The following KDM4C variants were observed in gnomAD, a reference collection of about 807,000 sequenced individuals.
KDM4C encodes the protein lysine demethylase 4C.
KDM4C carries 81 observed loss-of-function variants against 129.3 expected under a neutral mutation model. The ratio of observed to expected loss-of-function variants is 0.63; its 90% CI spans 0.52 to 0.75. The LOEUF (loss-of-function observed/expected upper bound fraction) is 0.75, where lower values mean the gene tolerates loss of function less well. Among genes scored for constraint, KDM4C ranks in the 30% least tolerant of loss-of-function variants. The probability of loss-of-function intolerance (pLI) is 0.00; values close to 1 mark genes in which losing one functional copy is unlikely to be tolerated. For synonymous variants in KDM4C, 573 were observed against 456.1 expected (o/e 1.26, Z -3.26); for missense variants, 1,457 against 1,304.0 (o/e 1.12, Z -1.81).
Position 6,927,103 on chromosome 9 carries a change from CTAT to C in KDM4C, c.921+33872_921+33874del, listed in dbSNP as rs781149528. On this transcript the variant is annotated intron_variant, in intron 8 of 21. Coordinates refer to ENST00000381309, the MANE Select transcript of KDM4C (RefSeq NM_015061.6). Reference sequence around the variant, plus strand: ...CAAAAAAAATTTTCTATCTATCTATCTATCTATCTATCTATCTATCTATCTATC... The same window carrying C: ...CAAAAAAAATTTTCTATCTATCTATCCTATCTATCTATCTATCTATCTATC... Among the ~76,000 whole-genome samples, 855 of 149,888 alleles carry C rather than the reference CTAT, an allele frequency of 5.7e-3. 5 individuals carry two copies. The highest frequency in any genetic ancestry group is 0.014 in the Middle Eastern group (4 of 292).
chr9:7,015,597 T>C (rs1281894354), intron 14 of KDM4C, among the ~76,000 whole-genome samples: 1 of 152,212 alleles, frequency 6.6e-6, no homozygotes, highest in Non-Finnish European at 1.5e-5. Context: ...AAGATGTCTG[T>C]GTGTGAACAA....
intron 8 of KDM4C, among the ~76,000 whole-genome samples, chr9:6,968,336 A>G (rs889530495): frequency 6.6e-6 from 1 of 152,174 alleles, no homozygotes; most frequent in African/African-American, 2.4e-5. Context: ...TAATAAATGA[A>G]GAAATGCCAT....
chr9:7,073,466 C>T (rs1423683134), intron 17 of KDM4C, among the ~76,000 whole-genome samples: 1 of 152,238 alleles, frequency 6.6e-6, no homozygotes, highest in Non-Finnish European at 1.5e-5. Context: ...CCCATGTTCT[C>T]TCCCACTAAG....
At chr9:6,995,717 G>A (rs1224426199) in intron 12 of KDM4C, among the ~76,000 whole-genome samples, 1 of 152,100 alleles carries the variant, frequency 6.6e-6, no homozygotes, top group East Asian at 1.9e-4. Flanking sequence ...TGTCGCCCAG[G>A]CTGGAGTGCA....
At chr9:6,792,095 C>G (rs1470731104) in intron 1 of KDM4C, among the ~76,000 whole-genome samples, 1 of 152,126 alleles carries the variant, frequency 6.6e-6, no homozygotes, top group East Asian at 1.9e-4. Flanking sequence ...AATCCCAGCA[C>G]TTTGGGAGGC....
intron 8 of KDM4C, among the ~76,000 whole-genome samples, chr9:6,921,610 T>G (rs2131208303): frequency 6.6e-6 from 1 of 152,334 alleles, no homozygotes; most frequent in Admixed American, 6.5e-5. Context: ...TTTCACAGTC[T>G]TACTATTTCT....
intron 8 of KDM4C, among the ~76,000 whole-genome samples, chr9:6,977,756 A>G (rs775207035): frequency 2.6e-5 from 4 of 152,076 alleles, no homozygotes; most frequent in Non-Finnish European, 5.9e-5. Context: ...CAGGAGCTTG[A>G]TGTACACTGC....
chr9:7,135,037 G>A (rs1012664410), intron 19 of KDM4C, among the ~76,000 whole-genome samples: 1 of 152,168 alleles, frequency 6.6e-6, no homozygotes, highest in Non-Finnish European at 1.5e-5. Context: ...CTTGGACATA[G>A]GAATGAAATG....
At chr9:6,987,068 A>G (rs1332148532) in intron 11 of KDM4C, among the ~76,000 whole-genome samples, 3 of 152,226 alleles carry the variant, frequency 2.0e-5, no homozygotes, top group Non-Finnish European at 2.9e-5. Flanking sequence ...ACATTGATAC[A>G]GTAAAGATTA....
intron 5 of KDM4C, among the ~76,000 whole-genome samples, chr9:6,868,169 A>G (rs1284082351): frequency 1.3e-5 from 2 of 151,818 alleles, no homozygotes; most frequent in African/African-American, 4.8e-5. Flanking sequence ...ACCAGATAAA[A>G]AGCCCCCCGA....
At chr9:6,916,168 G>A (rs1310660888) in intron 8 of KDM4C, among the ~76,000 whole-genome samples, 2 of 152,130 alleles carry the variant, frequency 1.3e-5, no homozygotes, top group African/African-American at 4.8e-5. Context: ...TGAGTGATTT[G>A]AGGTGTAGTG....
chr9:6,747,096 G>A (rs1446607798), intron 1 of KDM4C, among the ~76,000 whole-genome samples: 1 of 151,698 alleles, frequency 6.6e-6, no homozygotes, highest in Non-Finnish European at 1.5e-5. Flanking sequence ...AGGAGTCTGA[G>A]GTGGGAGGAT....
chr9:7,002,564 G>A (rs1424054706), intron 12 of KDM4C, among the ~76,000 whole-genome samples: 3 of 152,108 alleles, frequency 2.0e-5, no homozygotes, highest in African/African-American at 7.2e-5. Context: ...CTCAGAATAT[G>A]TTCCTTCTGG....
chr9:7,024,870 A>G (rs1408116741), intron 15 of KDM4C, among the ~76,000 whole-genome samples: 1 of 152,132 alleles, frequency 6.6e-6, no homozygotes, highest in Non-Finnish European at 1.5e-5. Context: ...GGCTGGGTCA[A>G]ATGGTATTTG....
intron 1 of KDM4C, among the ~76,000 whole-genome samples, chr9:6,760,582 A>T (rs1350972449): frequency 7.0e-6 from 1 of 142,014 alleles, no homozygotes; most frequent in East Asian, 2.1e-4. Context: ...TTATTTATTT[A>T]TTTTTTGAGA....
intron 8 of KDM4C, among the ~76,000 whole-genome samples, chr9:6,946,153 T>G (rs774395524): frequency 3.3e-5 from 5 of 152,134 alleles, no homozygotes; most frequent in Non-Finnish European, 7.4e-5. Flanking sequence ...GGAGATGAAG[T>G]AGTTGCAATT....
chr9:6,731,768 C>T (rs2918173), intron 1 of KDM4C, among the ~76,000 whole-genome samples: 30,927 of 152,040 alleles, frequency 0.2, 3,357 homozygotes, highest in Non-Finnish European at 0.25. Flanking sequence ...ACAGTGTGAC[C>T]AGAACTTAGG....
chr9:7,086,975 TG>T (rs1213502440), intron 17 of KDM4C, among the ~76,000 whole-genome samples: 1 of 152,188 alleles, frequency 6.6e-6, no homozygotes, highest in Non-Finnish European at 1.5e-5. Flanking sequence ...TACTCTGCCC[TG>T]TGGTTGAAGA....
chr9:6,894,116 T>G (rs1846491499), intron 8 of KDM4C, among the ~76,000 whole-genome samples: 1 of 152,228 alleles, frequency 6.6e-6, no homozygotes, highest in African/African-American at 2.4e-5. Context: ...TGATAAAACT[T>G]ACATGTGGAG....
Sources: allele counts gnomAD v4.1 joint callset (sites outside exome capture counted in the v4.1 genomes callset), GRCh38; gene constraint gnomAD v4.1.1; transcripts MANE v1.5; gene names NCBI Gene and HGNC (gene_info 2026-07-23, HGNC 2026-07-21).